Variants in TUBA4A observed in about 807,000 individuals in gnomAD.
The protein encoded by TUBA4A is tubulin alpha 4a.
Under a neutral mutation model 34.3 loss-of-function variants are expected in TUBA4A, and 23 were observed. The ratio of observed to expected loss-of-function variants is 0.67; its 90% CI spans 0.48 to 0.95. The LOEUF (loss-of-function observed/expected upper bound fraction) is 0.95, where lower values mean the gene tolerates loss of function less well. TUBA4A is among the 40% of genes least tolerant of loss of function. TUBA4A has a pLI of 0.00. For synonymous variants in TUBA4A, 216 were observed against 230.5 expected (o/e 0.94, Z 0.57); for missense variants, 279 against 599.0 (o/e 0.47, Z 5.58).
Position 219,252,702 on chromosome 2 carries a change from A to G in TUBA4A, c.4-472T>C, listed in dbSNP as rs941996185. 1.1e-5 allele frequency: 5 copies of G among 451,424 alleles called. No homozygotes were observed. The highest frequency in any genetic ancestry group is 8.0e-5 in the African/African-American group (4 of 49,780). The allele number at this position is 451,424 out of a possible 1,614,324, so 28.0% of individuals were successfully genotyped here. A position where few individuals can be genotyped will look rare whatever the true frequency, so the allele number is the denominator to read the frequency against. On this transcript the variant is annotated intron_variant, in intron 1 of 3. Coordinates refer to ENST00000248437, the MANE Select transcript of TUBA4A (RefSeq NM_006000.3). This position sits in a 1 kb window ranked among gnomAD's most constrained non-coding sequence, Gnocchi z 4.1. ...AGGATGCCCTCCTCCCTCACCTTTA[A>G]ATCCCATCTGGCTCTGGGGATCAAT...
intron 1 of TUBA4A, chr2:219,253,293 T>C: frequency 6.6e-7 from 1 of 1,512,590 alleles, no homozygotes; most frequent in South Asian, 1.2e-5. Context: ...GCCAGCTCGC[T>C]TCAGGAGGCC....
At chr2:219,253,966 C>T, upstream of TUBA4A, 3 of 1,126,724 alleles carry the variant, frequency 2.7e-6, no homozygotes, top group South Asian at 2.4e-5. Context: ...GGGGGCGGGG[C>T]CCGCGTTCCC....
In TUBA4A at chr2:219,251,591, G is replaced by C; in HGVS notation, c.349C>G (p.Pro117Ala). 6.2e-7 allele frequency: 1 copy of C among 1,614,070 alleles called. No homozygotes were observed. The highest frequency in any genetic ancestry group is 8.5e-7 in the Non-Finnish European group (1 of 1,179,964). ...AGCTTGCGGATCCGATCCAGCACTG[G>C]GTCAATGATCTCCTTGCCAATGGTA... The part of the protein sequence containing the change: ...HYTIGKEIID[P>A]VLDRIRKLSD... The change falls in exon 3 of 4, where the codon CCA becomes GCA. Residue 117 changes from proline to alanine, a missense_variant. Coordinates refer to ENST00000248437, the MANE Select transcript of TUBA4A (RefSeq NM_006000.3). This position sits in a 1 kb window ranked among gnomAD's most constrained non-coding sequence, Gnocchi z 6.1.
upstream of TUBA4A, chr2:219,254,102 G>A (rs1951695932): frequency 4.8e-6 from 2 of 418,576 alleles, no homozygotes; most frequent in South Asian, 7.6e-5. Flanking sequence ...CACCTGTCCC[G>A]CTGGGATTAA....
Position 219,251,744 on chromosome 2 carries a change from C to T in TUBA4A, c.227-31G>A, listed in dbSNP as rs773447953. 6 of 1,596,716 alleles carry T rather than the reference C, an allele frequency of 3.8e-6. No homozygotes were observed. Among genetic ancestry groups the T allele is most frequent in the Admixed American group, 3.4e-5 (2 of 58,758 alleles). On this transcript the variant is annotated intron_variant, in intron 2 of 3. Transcript: ENST00000248437. This position sits in a 1 kb window ranked among gnomAD's most constrained non-coding sequence, Gnocchi z 6.1. ...AGGGCAAAAACCACAAAGCTATGCT[C>T]AGCAGGGACCTTCCTCCCCCAGGGT...
chr2:219,253,475 G>A (rs982047120), intron 1 of TUBA4A: 1 of 1,348,972 alleles, frequency 7.4e-7, no homozygotes, highest in African/African-American at 1.4e-5. Context: ...CAGTGCTGAG[G>A]ACCAGGGACT....
At chr2:219,253,950 C>CG (rs3051654), upstream of TUBA4A, 14,598 of 503,686 alleles carry the variant, frequency 0.029, 206 homozygotes, top group African/African-American at 0.075. Flanking sequence ...CCCTTATAGG[C>CG]GGGGGGGGGG....
intron 1 of TUBA4A, 79 bp downstream of exon 1, chr2:219,253,777 G>T: frequency 6.6e-7 from 1 of 1,505,932 alleles, no homozygotes. Flanking sequence ...GGAGGTCCCC[G>T]AGCATGCCTG....
chr2:219,250,333 T>G lies in TUBA4A; in HGVS notation c.*19A>C. 1.9e-6 allele frequency: 3 copies of G among 1,591,266 alleles called. No individual in the cohort carries two copies. The highest frequency in any genetic ancestry group is 3.4e-4 in the Middle Eastern group (2 of 5,950). On this transcript the variant is annotated 3_prime_UTR_variant, in exon 4 of 4. Coordinates refer to ENST00000248437, the MANE Select transcript of TUBA4A (RefSeq NM_006000.3). The surrounding 1 kb of genome is among the most constrained non-coding windows in gnomAD (Gnocchi z 8.4). ...AGGATTTTGCAATAAACATAGTGAA[T>G]AGGCTCCAGGCAGCTGCTTTATTCT...
rs140181330 is a variant in TUBA4A, at chr2:219,252,804, C to A, written c.4-574G>T. ...CACTTTCATCTCCCGTGTCAGCCCG[C>A]ACGGAAATAGCGGCGGTAATGCTTG... is the stretch of plus-strand genomic sequence containing the variant. On this transcript the variant is annotated intron_variant, in intron 1 of 3. Transcript: ENST00000248437. The surrounding 1 kb of genome is among the most constrained non-coding windows in gnomAD (Gnocchi z 4.1). The A allele has an allele frequency of 8.0e-4, 378 of 471,986 alleles. 5 individuals are homozygous for A. The highest frequency in any genetic ancestry group is 6.6e-3 in the African/African-American group (329 of 50,204). The allele number at this position is 471,986 out of a possible 1,614,324, so 29.2% of individuals were successfully genotyped here.
Position 219,251,415 on chromosome 2 carries a change from C to A in TUBA4A, c.376-92G>T. ...CTCCATAAAGCGTAAGATACATCAG[C>A]AGTCAGGGCAAATACTGAGGATGCC... On this transcript the variant is annotated intron_variant, in intron 3 of 3. Transcript: ENST00000248437. This position sits in a 1 kb window ranked among gnomAD's most constrained non-coding sequence, Gnocchi z 6.1. The A allele has an allele frequency of 6.5e-7, 1 of 1,537,566 alleles. No homozygotes were observed. Among genetic ancestry groups the A allele is most frequent in the Non-Finnish European group, 8.8e-7 (1 of 1,139,884 alleles).
At position 219,252,948 on chromosome 2, in the gene TUBA4A, C is replaced by T. The variant is rs536412882; in HGVS notation, c.4-718G>A. 6 of 493,474 alleles carry T rather than the reference C, an allele frequency of 1.2e-5. No individual in the cohort carries two copies. Among genetic ancestry groups the T allele is most frequent in the African/African-American group, 1.2e-4 (6 of 50,768 alleles). The allele number at this position is 493,474 out of a possible 1,614,324, so 30.6% of individuals were successfully genotyped here. A position where few individuals can be genotyped will look rare whatever the true frequency, so the allele number is the denominator to read the frequency against. On this transcript the variant is annotated intron_variant, in intron 1 of 3. Coordinates refer to ENST00000248437, the MANE Select transcript of TUBA4A (RefSeq NM_006000.3). This position sits in a 1 kb window ranked among gnomAD's most constrained non-coding sequence, Gnocchi z 4.1. ...TAAAGCACTAAAGTCCGGCAGGGCC[C>T]GCGCGCTCTTCCCACACCGAAATGG...
chr2:219,254,518 G>T (rs1264523561), upstream of TUBA4A: 2 of 152,274 alleles, frequency 1.3e-5, no homozygotes, highest in Admixed American at 6.5e-5. Context: ...AGGCGCTCCC[G>T]CAGAGTCGAG....
rs949017389 is a variant in TUBA4A, at chr2:219,252,808, G to T, written c.4-578C>A. The stretch of plus-strand genomic sequence containing the variant: ...TTCATCTCCCGTGTCAGCCCGCACG[G>T]AAATAGCGGCGGTAATGCTTGTAAG... On this transcript the variant is annotated intron_variant, in intron 1 of 3. Transcript: ENST00000248437. The surrounding 1 kb of genome is among the most constrained non-coding windows in gnomAD (Gnocchi z 4.1). 2.1e-6 allele frequency: 1 copy of T among 471,916 alleles called. No homozygotes were observed. 29.2% of individuals were successfully genotyped at this position (471,916 alleles called of 1,614,324 possible). A position where few individuals can be genotyped will look rare whatever the true frequency, so the allele number is the denominator to read the frequency against.
At chr2:219,253,973 T>G, upstream of TUBA4A, 1 of 1,108,980 alleles carries the variant, frequency 9.0e-7, no homozygotes, top group Non-Finnish European at 1.2e-6. Flanking sequence ...GGGCCCGCGT[T>G]CCCCGCTCGC....
At position 219,250,202 on chromosome 2, in the gene TUBA4A, G is replaced by A; in HGVS notation, c.*150C>T. On this transcript the variant is annotated 3_prime_UTR_variant, in exon 4 of 4. Coordinates refer to ENST00000248437, the MANE Select transcript of TUBA4A (RefSeq NM_006000.3). The surrounding 1 kb of genome is among the most constrained non-coding windows in gnomAD (Gnocchi z 8.4). ...CACCTTCAGCGATGGAAGGGATAAG[G>A]GTCATGAACAGCAAACAGAGCAGCA... 1 of 1,158,594 alleles carries A rather than the reference G, an allele frequency of 8.6e-7. No homozygotes were observed. Among genetic ancestry groups the A allele is most frequent in the Non-Finnish European group, 1.2e-6 (1 of 809,514 alleles). The allele number at this position is 1,158,594 out of a possible 1,614,324, so 71.8% of individuals were successfully genotyped here. A position where few individuals can be genotyped will look rare whatever the true frequency, so the allele number is the denominator to read the frequency against.
Position 219,253,061 on chromosome 2 carries a change from G to A in TUBA4A, c.3+795C>T, listed in dbSNP as rs143596738. 2.7e-5 allele frequency: 30 copies of A among 1,114,950 alleles called. 1 individual carries two copies. The East Asian group carries it at 8.4e-4, about 31-fold the overall frequency. The allele number at this position is 1,114,950 out of a possible 1,614,324, so 69.1% of individuals were successfully genotyped here. On this transcript the variant is annotated intron_variant, in intron 1 of 3. Coordinates refer to ENST00000248437, the MANE Select transcript of TUBA4A (RefSeq NM_006000.3). Reference sequence around the variant, plus strand: ...ACCCGCCTTGTCCCGGGCAGGATGGGCGCCATCCTGCAGCCCAGCCCTACA... The same window carrying A: ...ACCCGCCTTGTCCCGGGCAGGATGGACGCCATCCTGCAGCCCAGCCCTACA...
In TUBA4A at chr2:219,252,833, G is replaced by T. The variant is rs1320476264; in HGVS notation, c.4-603C>A. 2 of 471,980 alleles carry T rather than the reference G, an allele frequency of 4.2e-6. No homozygotes were observed. Among genetic ancestry groups the T allele is most frequent in the African/African-American group, 4.0e-5 (2 of 50,094 alleles). 29.2% of individuals were successfully genotyped at this position (471,980 alleles called of 1,614,324 possible). A position where few individuals can be genotyped will look rare whatever the true frequency, so the allele number is the denominator to read the frequency against. ...GAAATAGCGGCGGTAATGCTTGTAAGCTCAGACAGCAGGGGCCAGCAATAA... is the reference window on the plus strand; with the variant it reads ...GAAATAGCGGCGGTAATGCTTGTAATCTCAGACAGCAGGGGCCAGCAATAA... On this transcript the variant is annotated intron_variant, in intron 1 of 3. Transcript: ENST00000248437. This position sits in a 1 kb window ranked among gnomAD's most constrained non-coding sequence, Gnocchi z 4.1.
In TUBA4A at chr2:219,251,965, G is replaced by T; in HGVS notation, c.226+43C>A. 2 of 1,582,894 alleles carry T rather than the reference G, an allele frequency of 1.3e-6. No homozygotes were observed. The highest frequency in any genetic ancestry group is 8.7e-7 in the Non-Finnish European group (1 of 1,152,726). ...CTCTCTCTCCAGGGAGAAGCTTTGAGTCATGCTCCACCCCCTTCAATTTTG... is the reference window on the plus strand; with the variant it reads ...CTCTCTCTCCAGGGAGAAGCTTTGATTCATGCTCCACCCCCTTCAATTTTG... On this transcript the variant is annotated intron_variant, in intron 2 of 3. Transcript: ENST00000248437. This position sits in a 1 kb window ranked among gnomAD's most constrained non-coding sequence, Gnocchi z 6.1.
Sources: gnomAD v4.1 joint callset for allele counts on GRCh38, gnomAD v4.1.1 for gene constraint, Gnocchi (gnomAD v3.1) non-coding constraint, MANE v1.5 for transcripts, NCBI Gene and HGNC (gene_info 2026-07-23, HGNC 2026-07-21) for gene names.